Variants in METAP1D observed in about 807,000 individuals in gnomAD.
METAP1D encodes the protein methionyl aminopeptidase type 1D, mitochondrial, also known as methionine aminopeptidase 1D, mitochondrial.
In METAP1D, 31 loss-of-function variants were observed where a neutral mutation model predicts 40.5. The observed-to-expected ratio is 0.77, with a 90% CI of 0.58 to 1.03. The LOEUF is 1.03. METAP1D is among the 50% of genes least tolerant of loss of function. The pLI is 0.00. For missense variants in METAP1D, 411 were observed against 420.7 expected, an observed-to-expected ratio of 0.98 and a Z score of 0.20; for synonymous variants, 151 against 146.4, an observed-to-expected ratio of 1.03 and a Z score of -0.22.
chr2:172,066,296 T>G lies in METAP1D; in HGVS notation c.530T>G (p.Ile177Ser), dbSNP rs765142916. 1 of 1,611,710 alleles carries G rather than the reference T, an allele frequency of 6.2e-7. No individual in the cohort carries two copies. Among genetic ancestry groups the G allele is most frequent in the Non-Finnish European group, 8.5e-7 (1 of 1,179,194 alleles). ...CTTCAGGATGGAGATATTATCAACA[T>G]TGATGTCACAGTGAGTAAATCATAT... ...RPLQDGDIINIDVTVYYNGYH... is the reference protein window; with the variant it reads ...RPLQDGDIINSDVTVYYNGYH... Residue 177 changes from isoleucine to serine, a missense_variant, in exon 5 of 10, where the codon ATT (isoleucine) becomes AGT (serine). Ile to Ser is a moderately radical substitution (Grantham distance 142). Coordinates refer to ENST00000315796, the MANE Select transcript of METAP1D (RefSeq NM_199227.3).
chr2:172,000,005 C>T lies in METAP1D; in HGVS notation c.36C>T (p.Arg12=). ...AAPSGVHLLV[R]RGSHRIFSSP... is the part of the protein sequence containing the mutation. ...CCAGTGGCGTCCACCTGCTCGTCCGCAGAGGTAAGCGCGTGGAGGAGAGCC... is the reference window on the plus strand; with the variant it reads ...CCAGTGGCGTCCACCTGCTCGTCCGTAGAGGTAAGCGCGTGGAGGAGAGCC... The change falls in exon 1 of 10, where the codon CGC becomes CGT. Residue 12 remains arginine, a synonymous_variant. Coordinates refer to ENST00000315796, the MANE Select transcript of METAP1D (RefSeq NM_199227.3). 7.5e-7 allele frequency: 1 copy of T among 1,339,452 alleles called. No individual in the cohort carries two copies. The highest frequency in any genetic ancestry group is 9.6e-7 in the Non-Finnish European group (1 of 1,036,470). 83.0% of individuals were successfully genotyped at this position (1,339,452 alleles called of 1,614,324 possible). A position where few individuals can be genotyped will look rare whatever the true frequency, so the allele number is the denominator to read the frequency against.
At chr2:172,053,940 A>G (rs534334071) in intron 1 of METAP1D, among the ~76,000 whole-genome samples, 4 of 152,352 alleles carry the variant, frequency 2.6e-5, no homozygotes, top group East Asian at 3.9e-4. Flanking sequence ...CAGTTTTACA[A>G]CTGCTTAAAA....
chr2:172,018,482 G>A (rs1688931567), intron 1 of METAP1D, among the ~76,000 whole-genome samples: 1 of 152,200 alleles, frequency 6.6e-6, no homozygotes, highest in Non-Finnish European at 1.5e-5. Flanking sequence ...TGATACAAGA[G>A]TGAAGTGGAA....
rs1324407104 is a variant in METAP1D, at chr2:172,043,114, TATA to T, written c.41-18383_41-18381del. On this transcript the variant is annotated intron_variant, in intron 1 of 9. Coordinates refer to ENST00000315796, the MANE Select transcript of METAP1D (RefSeq NM_199227.3). Reference sequence around the variant, plus strand: ...TTACATACATATATATATATATATATATATTTTTTGGGATACAGGATCTCACTT... The same window carrying T: ...TTACATACATATATATATATATATATTTTTTTGGGATACAGGATCTCACTT... Among the ~76,000 whole-genome samples the T allele has an allele frequency of 6.6e-4, 32 of 48,338 alleles. 6 individuals carry two copies. The East Asian group carries it at 7.3e-3, about 11-fold the overall frequency. 31.7% of individuals were successfully genotyped at this position (48,338 alleles called of 152,430 possible).
At chr2:172,020,225 T>C (rs1264232354) in intron 1 of METAP1D, among the ~76,000 whole-genome samples, 1 of 152,186 alleles carries the variant, frequency 6.6e-6, no homozygotes, top group African/African-American at 2.4e-5. Flanking sequence ...GACCTCATGA[T>C]CCACCCGCCT....
At chr2:172,004,185 A>C (rs1688528365) in intron 1 of METAP1D, among the ~76,000 whole-genome samples, 1 of 152,210 alleles carries the variant, frequency 6.6e-6, no homozygotes, top group South Asian at 2.1e-4. Context: ...TTTTTCAAAA[A>C]TGTAATAGCC....
At chr2:172,035,971 AT>A (rs1226371734) in intron 1 of METAP1D, among the ~76,000 whole-genome samples, 2 of 152,030 alleles carry the variant, frequency 1.3e-5, no homozygotes, top group Non-Finnish European at 2.9e-5. Flanking sequence ...TTAAGGATCC[AT>A]TTATATTGTA....
intron 1 of METAP1D, among the ~76,000 whole-genome samples, chr2:172,046,428 G>A (rs547210954): frequency 2.6e-5 from 4 of 152,124 alleles, no homozygotes; most frequent in Non-Finnish European, 5.9e-5. Flanking sequence ...ACAAAATAAT[G>A]TTTTAGTCAT....
intron 6 of METAP1D, among the ~76,000 whole-genome samples, chr2:172,074,477 G>A (rs1283899238): frequency 6.6e-6 from 1 of 152,096 alleles, no homozygotes; most frequent in Non-Finnish European, 1.5e-5. Context: ...CTCTGCACAT[G>A]AAAGTAAGCA....
intron 1 of METAP1D, among the ~76,000 whole-genome samples, chr2:172,017,579 CA>C (rs951005213): frequency 4.7e-5 from 7 of 148,822 alleles, no homozygotes; most frequent in Non-Finnish European, 1.0e-4. Context: ...AGTATGAGGG[CA>C]AAAAAAAGTT....
intron 6 of METAP1D, among the ~76,000 whole-genome samples, chr2:172,074,695 G>T (rs1342055667): frequency 6.6e-6 from 1 of 152,134 alleles, no homozygotes; most frequent in African/African-American, 2.4e-5. Flanking sequence ...TCATTAGAAG[G>T]AATCCCTGGA....
intron 1 of METAP1D, among the ~76,000 whole-genome samples, chr2:172,002,391 C>T (rs746288898): frequency 1.1e-4 from 17 of 152,152 alleles, no homozygotes; most frequent in African/African-American, 4.1e-4. Flanking sequence ...TATATAACAT[C>T]TCTTTGCAGA....
At chr2:172,035,289 C>G (rs1025594018) in intron 1 of METAP1D, among the ~76,000 whole-genome samples, 2 of 152,048 alleles carry the variant, frequency 1.3e-5, no homozygotes, top group Non-Finnish European at 2.9e-5. Context: ...CTCAGCCTCC[C>G]GAGTAGCTGG....
intron 1 of METAP1D, among the ~76,000 whole-genome samples, chr2:172,015,075 A>G (rs187652046): frequency 1.3e-5 from 2 of 152,326 alleles, no homozygotes; most frequent in African/African-American, 4.8e-5. Context: ...TTTAAAAACA[A>G]TTTTTATAAA....
At chr2:172,044,054 C>T (rs1305530877) in intron 1 of METAP1D, among the ~76,000 whole-genome samples, 1 of 134,336 alleles carries the variant, frequency 7.4e-6, no homozygotes, top group African/African-American at 2.5e-5. Flanking sequence ...GATTGCACCA[C>T]TGCACTTCGT....
intron 1 of METAP1D, among the ~76,000 whole-genome samples, chr2:172,005,502 T>G (rs1395280093): frequency 6.9e-6 from 1 of 145,800 alleles, no homozygotes; most frequent in Non-Finnish European, 1.5e-5. Context: ...CTGAGTAGTA[T>G]TCCATGGTGT....
Position 172,060,957 on chromosome 2 carries a change from T to C in METAP1D, c.41-541T>C, listed in dbSNP as rs1424482113. 3.9e-5 allele frequency among the ~76,000 whole-genome samples: 6 copies of C among 152,394 alleles called. No homozygotes were observed. The East Asian group carries it at 1.2e-3, about 29-fold the overall frequency. On this transcript the variant is annotated intron_variant, in intron 1 of 9. Coordinates refer to ENST00000315796, the MANE Select transcript of METAP1D (RefSeq NM_199227.3). ...CTATATTCATTTTCTTTCAGTGTTATACTTACATTTTTGCTATTTAGTCTT... is the reference window on the plus strand; with the variant it reads ...CTATATTCATTTTCTTTCAGTGTTACACTTACATTTTTGCTATTTAGTCTT...
intron 1 of METAP1D, among the ~76,000 whole-genome samples, chr2:172,054,744 G>C (rs115239483): frequency 6.6e-6 from 1 of 152,112 alleles, no homozygotes; most frequent in African/African-American, 2.4e-5. Flanking sequence ...AGAGGACATA[G>C]AGCAATTTCA....
intron 1 of METAP1D, among the ~76,000 whole-genome samples, chr2:172,004,931 C>CA (rs1553489128): frequency 6.7e-6 from 1 of 148,494 alleles, no homozygotes; most frequent in African/African-American, 2.5e-5. Flanking sequence ...TTCTTCCTTC[C>CA]TTTTTTTTTT....
Sources: allele counts gnomAD v4.1 joint callset (sites outside exome capture counted in the v4.1 genomes callset), GRCh38; gene constraint gnomAD v4.1.1; transcripts MANE v1.5; gene names NCBI Gene and HGNC (gene_info 2026-07-23, HGNC 2026-07-21).